Variants in TMEM184B observed in about 807,000 individuals in gnomAD.
TMEM184B encodes transmembrane protein 184B.
Under a neutral mutation model 41.8 loss-of-function variants are expected in TMEM184B, and 17 were observed. The observed-to-expected ratio is 0.41, with a 90% CI of 0.28 to 0.61. The LOEUF (loss-of-function observed/expected upper bound fraction) is 0.61, where lower values mean the gene tolerates loss of function less well. Ranked by LOEUF, TMEM184B falls within the 20% of genes least tolerant of loss-of-function variation. TMEM184B has a pLI of 0.34. For missense variants in TMEM184B, 393 were observed against 557.8 expected, an observed-to-expected ratio of 0.70 and a Z score of 2.98; for synonymous variants, 240 against 229.5, an observed-to-expected ratio of 1.05 and a Z score of -0.41.
At chr22:38,234,408 C>T (rs1257067043) in intron 3 of TMEM184B, among the ~76,000 whole-genome samples, 1 of 152,126 alleles carries the variant, frequency 6.6e-6, no homozygotes, top group South Asian at 2.1e-4. Context: ...GGTGATTTGC[C>T]CCAGCCTTCA....
chr22:38,234,966 G>A (rs1212158937), intron 3 of TMEM184B, among the ~76,000 whole-genome samples: 2 of 152,198 alleles, frequency 1.3e-5, no homozygotes, highest in African/African-American at 4.8e-5. Context: ...AGCCTTAGAT[G>A]AGCTGAGGGC....
Position 38,226,905 on chromosome 22 carries a change from G to A in TMEM184B, c.526-35C>T. ...GGAAAAGGAGGTTGAGTGTGGAGGA[G>A]GAGCACAGAAGGCATGAAGCAAGCC... On this transcript the variant is annotated intron_variant, in intron 5 of 8. Coordinates refer to ENST00000361906, the MANE Select transcript of TMEM184B (RefSeq NM_012264.5). This position sits in a 1 kb window ranked among gnomAD's most constrained non-coding sequence, Gnocchi z 4.6. 3 of 1,556,688 alleles carry A rather than the reference G, an allele frequency of 1.9e-6. No homozygotes were observed. The highest frequency in any genetic ancestry group is 2.6e-6 in the Non-Finnish European group (3 of 1,148,780).
chr22:38,245,888 G>GA, intron 3 of TMEM184B, 47 bp downstream of exon 3: 1 of 545,864 alleles, frequency 1.8e-6, no homozygotes, highest in African/African-American at 1.9e-5. Flanking sequence ...GGGGCTCCCA[G>GA]CCCCCCAGCC....
chr22:38,270,913 A>T (rs1424855983), intron 1 of TMEM184B, among the ~76,000 whole-genome samples: 1 of 152,172 alleles, frequency 6.6e-6, no homozygotes. Context: ...GAGGGAGCAA[A>T]CAGCCTCCGG....
At chr22:38,258,766 T>A (rs188101327) in intron 1 of TMEM184B, among the ~76,000 whole-genome samples, 2 of 152,268 alleles carry the variant, frequency 1.3e-5, no homozygotes, top group East Asian at 3.9e-4. Context: ...TCACATCAAT[T>A]CAGGTCAGAT....
Position 38,224,906 on chromosome 22 carries a change from C to T in TMEM184B, c.861G>A (p.Glu287=). ...KIHSARVSVG[E]GTVAAGYQDF... is the part of the protein sequence containing the mutation. ...CCTGGTAGCCGGCAGCCACGGTGCCCTCGCCCACCGACACGCGGGCCGAGT... is the reference window on the plus strand; with the variant it reads ...CCTGGTAGCCGGCAGCCACGGTGCCTTCGCCCACCGACACGCGGGCCGAGT... Residue 287 remains glutamate, a synonymous_variant, in exon 8 of 9, where the codon GAG becomes GAA. Transcript: ENST00000361906. 6.2e-7 allele frequency: 1 copy of T among 1,613,214 alleles called. No individual in the cohort carries two copies. The highest frequency in any genetic ancestry group is 8.5e-7 in the Non-Finnish European group (1 of 1,179,744).
At chr22:38,250,188 C>A (rs901925586) in intron 1 of TMEM184B, among the ~76,000 whole-genome samples, 1 of 152,264 alleles carries the variant, frequency 6.6e-6, no homozygotes, top group Admixed American at 6.5e-5. Flanking sequence ...CGGCGGCCTG[C>A]AGCCTGGCCC....
At chr22:38,237,259 T>A (rs1032461943) in intron 3 of TMEM184B, among the ~76,000 whole-genome samples, 2 of 152,166 alleles carry the variant, frequency 1.3e-5, no homozygotes, top group African/African-American at 4.8e-5. Context: ...CCTAAGACAC[T>A]TACCCCAAGA....
rs1019025030 is a variant in TMEM184B at position 38,225,226 on chromosome 22, A to C, written c.787+198T>G. Among the ~76,000 whole-genome samples, 1 of 152,092 alleles carries C rather than the reference A, an allele frequency of 6.6e-6. No homozygotes were observed. Among genetic ancestry groups the C allele is most frequent in the Admixed American group, 6.5e-5 (1 of 15,272 alleles). ...GTCTCCTGGGCCCTCTCATCCATGT[A>C]GCGGCCCCACCAAAGCTCTCCCTAG... is the stretch of plus-strand genomic sequence containing the variant. On this transcript the variant is annotated intron_variant, in intron 7 of 8. Coordinates refer to ENST00000361906, the MANE Select transcript of TMEM184B (RefSeq NM_012264.5). The surrounding 1 kb of genome is among the most constrained non-coding windows in gnomAD (Gnocchi z 4.4).
chr22:38,253,883 T>C (rs894983900), intron 1 of TMEM184B, among the ~76,000 whole-genome samples: 3 of 152,074 alleles, frequency 2.0e-5, no homozygotes, highest in Admixed American at 6.6e-5. Context: ...ATGACTAGCA[T>C]TGGGAATGTA....
chr22:38,216,736 C>A (rs1434041474), downstream of TMEM184B, among the ~76,000 whole-genome samples: 1 of 152,034 alleles, frequency 6.6e-6, no homozygotes, highest in East Asian at 1.9e-4. Context: ...AAGCCATGGG[C>A]ACAATGAAAT....
At chr22:38,217,828 C>A (rs2091167906), downstream of TMEM184B, among the ~76,000 whole-genome samples, 2 of 42,556 alleles carry the variant, frequency 4.7e-5, no homozygotes, top group Admixed American at 3.0e-4. Context: ...AAGACTCCAT[C>A]TCAAAAAAAA....
At chr22:38,232,924 C>T (rs2091673288) in intron 3 of TMEM184B, among the ~76,000 whole-genome samples, 2 of 152,186 alleles carry the variant, frequency 1.3e-5, no homozygotes, top group Admixed American at 1.3e-4. Flanking sequence ...TGACAAGTCC[C>T]CGGTGACCAT....
chr22:38,225,304 T>TG lies in TMEM184B; in HGVS notation c.787+119dup, dbSNP rs1158065775. 5 of 1,296,856 alleles carry TG rather than the reference T, an allele frequency of 3.9e-6. No homozygotes were observed. Among genetic ancestry groups the TG allele is most frequent in the Non-Finnish European group, 5.2e-6 (5 of 955,816 alleles). The allele number at this position is 1,296,856 out of a possible 1,614,324, so 80.3% of individuals were successfully genotyped here. ...GATTTCACCCCCAGCAAGTGCCCAG[T>TG]GGGCTGAGGCCCCTCTGAACAGGCC... On this transcript the variant is annotated intron_variant, in intron 7 of 8. Coordinates refer to ENST00000361906, the MANE Select transcript of TMEM184B (RefSeq NM_012264.5). The surrounding 1 kb of genome is among the most constrained non-coding windows in gnomAD (Gnocchi z 4.4).
At chr22:38,251,185 C>A (rs1050373152) in intron 1 of TMEM184B, among the ~76,000 whole-genome samples, 4 of 152,178 alleles carry the variant, frequency 2.6e-5, no homozygotes, top group African/African-American at 9.7e-5. Context: ...CGCAGCCCAA[C>A]CCATGCTGGC....
chr22:38,246,213 A>C, intron 2 of TMEM184B, 113 bp from the exon 3 acceptor site: 1 of 1,315,690 alleles, frequency 7.6e-7, no homozygotes, highest in Non-Finnish European at 1.0e-6. Flanking sequence ...CACGTGACCT[A>C]CCCCTGAGCC....
chr22:38,230,730 T>C lies in TMEM184B; in HGVS notation c.464A>G (p.Tyr155Cys). The part of the protein sequence containing the change: ...RGKPIESSCM[Y>C]GTCCLWGKTY... ...CTTTCCCCAGAGGCAGCAGGTGCCA[T>C]ACATACAGCTGGACCTGGAAGAGAC... The change falls in exon 5 of 9, where the codon TAT becomes TGT. Residue 155 changes from tyrosine to cysteine, a missense_variant. Physicochemically the swap from Tyr to Cys is radical, Grantham distance 194. This residue lies in a region of TMEM184B where 271 missense variants were observed against 434.1 expected (regional missense o/e 0.62). Transcript: ENST00000361906. 1 of 1,612,062 alleles carries C rather than the reference T, an allele frequency of 6.2e-7. No individual in the cohort carries two copies. The highest frequency in any genetic ancestry group is 8.5e-7 in the Non-Finnish European group (1 of 1,179,244).
chr22:38,268,433 C>T (rs963858247), intron 1 of TMEM184B, among the ~76,000 whole-genome samples: 10 of 151,386 alleles, frequency 6.6e-5, no homozygotes, highest in African/African-American at 2.4e-4. Flanking sequence ...AGTACCTGCA[C>T]CACATTAGTA....
chr22:38,248,712 C>G (rs2092096752), intron 1 of TMEM184B, among the ~76,000 whole-genome samples: 1 of 152,202 alleles, frequency 6.6e-6, no homozygotes, highest in African/African-American at 2.4e-5. Context: ...GACAGCGGCT[C>G]TGTTTGGGAC....
Sources: gnomAD v4.1 joint callset for allele counts (sites outside exome capture counted in the v4.1 genomes callset) on GRCh38, gnomAD v4.1.1 for gene constraint, gnomAD v4.1.1 regional missense constraint, Gnocchi (gnomAD v3.1) non-coding constraint, MANE v1.5 for transcripts, NCBI Gene and HGNC (gene_info 2026-07-23, HGNC 2026-07-21) for gene names.